ZDHHC21: variants seen among roughly 807,000 people sequenced by gnomAD.
ZDHHC21 encodes the protein palmitoyltransferase ZDHHC21.
A neutral mutation model predicts 34.6 loss-of-function variants in ZDHHC21; 15 were observed. The observed-to-expected ratio is 0.43, with a 90% CI of 0.29 to 0.67. The LOEUF is 0.67. Ranked by LOEUF, ZDHHC21 falls within the 30% of genes least tolerant of loss-of-function variation. The pLI, the probability that ZDHHC21 is intolerant of heterozygous loss-of-function variation, is 0.14. For synonymous variants in ZDHHC21, 142 were observed against 101.8 expected, an observed-to-expected ratio of 1.40 and a Z score of -2.38; for missense variants, 344 against 327.7, an observed-to-expected ratio of 1.05 and a Z score of -0.38.
chr9:14,590,934 A>G, the ZDHHC21 span, among the ~76,000 whole-genome samples: 18 of 152,312 alleles, frequency 1.2e-4, no homozygotes, highest in African/African-American at 4.3e-4. Flanking sequence ...AGTTTATAAC[A>G]CATATATCAG....
the ZDHHC21 span, among the ~76,000 whole-genome samples, chr9:14,601,842 T>C: frequency 7.2e-5 from 11 of 152,302 alleles, no homozygotes; most frequent in East Asian, 1.9e-3. Context: ...TCATGTCCTT[T>C]GCAGGGACAT....
chr9:14,660,322 G>A (rs980176462), intron 6 of ZDHHC21, among the ~76,000 whole-genome samples: 4 of 125,124 alleles, frequency 3.2e-5, no homozygotes, highest in Admixed American at 1.1e-4. Context: ...GGCAGAGGTT[G>A]AGATCATGCC....
chr9:14,658,711 T>A (rs777101137), intron 7 of ZDHHC21, 38 bp downstream of exon 7: 1 of 1,590,298 alleles, frequency 6.3e-7, no homozygotes, highest in East Asian at 2.3e-5. Flanking sequence ...GACCTCGTGA[T>A]CCGCCCGCCT....
intron 2 of ZDHHC21, 84 bp from the exon 3 acceptor site, chr9:14,680,246 G>T (rs1858635): frequency 0.94 from 143,784 of 152,288 alleles, 67,953 homozygotes; most frequent in Middle Eastern, 0.98. Flanking sequence ...AAATGCCAAT[G>T]ACAAACGTCT....
At chr9:14,591,517 T>A in the ZDHHC21 span, among the ~76,000 whole-genome samples, 2 of 152,286 alleles carry the variant, frequency 1.3e-5, no homozygotes, top group South Asian at 2.1e-4. Context: ...GCAGGTATTT[T>A]GTGATAGCAG....
At chr9:14,650,676 G>A (rs1831087812) in intron 7 of ZDHHC21, among the ~76,000 whole-genome samples, 1 of 151,778 alleles carries the variant, frequency 6.6e-6, no homozygotes, top group African/African-American at 2.4e-5. Flanking sequence ...TTTTTTGTTA[G>A]CCAAAAGGCT....
chr9:14,600,359 A>C, the ZDHHC21 span, among the ~76,000 whole-genome samples: 5 of 152,142 alleles, frequency 3.3e-5, no homozygotes, highest in African/African-American at 4.8e-5. Context: ...CTACCCACCA[A>C]TAGCAGACAG....
At chr9:14,601,510 G>A in the ZDHHC21 span, among the ~76,000 whole-genome samples, 4 of 152,176 alleles carry the variant, frequency 2.6e-5, no homozygotes, top group African/African-American at 9.7e-5. Context: ...ATGCTGGAGA[G>A]GATGTGGAAA....
chr9:14,589,066 A>G, the ZDHHC21 span: 1 of 152,202 alleles, frequency 6.6e-6, no homozygotes, highest in Non-Finnish European at 1.5e-5. Flanking sequence ...TAAATTAGAG[A>G]AGAAGCTGTG....
chr9:14,620,621 A>G (rs1345477756), intron 8 of ZDHHC21, among the ~76,000 whole-genome samples: 1 of 151,994 alleles, frequency 6.6e-6, no homozygotes, highest in Non-Finnish European at 1.5e-5. Flanking sequence ...AATCCCAAGA[A>G]CTTATTTGGC....
chr9:14,656,842 G>C (rs1366390283), intron 7 of ZDHHC21, among the ~76,000 whole-genome samples: 1 of 151,682 alleles, frequency 6.6e-6, no homozygotes, highest in Non-Finnish European at 1.5e-5. Flanking sequence ...ATCTACAATT[G>C]ATGGCTCTAA....
intron 8 of ZDHHC21, among the ~76,000 whole-genome samples, chr9:14,621,461 C>A (rs760898240): frequency 2.0e-5 from 3 of 152,026 alleles, no homozygotes; most frequent in Non-Finnish European, 2.9e-5. Context: ...GTTTTTGATA[C>A]CTTTCTTGAA....
chr9:14,651,219 A>T (rs1199157687), intron 7 of ZDHHC21, among the ~76,000 whole-genome samples: 3 of 151,924 alleles, frequency 2.0e-5, no homozygotes, highest in African/African-American at 7.2e-5. Context: ...CAATGAAAAC[A>T]GCAAAATATT....
At chr9:14,595,749 C>T in the ZDHHC21 span, among the ~76,000 whole-genome samples, 2 of 152,094 alleles carry the variant, frequency 1.3e-5, no homozygotes, top group Non-Finnish European at 2.9e-5. Context: ...AAGCACATCT[C>T]CATTGGCTGC....
intron 8 of ZDHHC21, 68 bp from the exon 9 acceptor site, chr9:14,619,750 A>G: frequency 4.3e-6 from 4 of 940,052 alleles, no homozygotes; most frequent in Admixed American, 6.7e-5. Context: ...TATCCACTCT[A>G]TCATGTTTTT....
At chr9:14,633,964 T>G (rs1334360508) in intron 8 of ZDHHC21, among the ~76,000 whole-genome samples, 1 of 152,152 alleles carries the variant, frequency 6.6e-6, no homozygotes, top group Non-Finnish European at 1.5e-5. Flanking sequence ...ACTGGGTGAA[T>G]GTACCACCAG....
At position 14,619,118 on chromosome 9, in the gene ZDHHC21, T is replaced by C. The variant is rs1211930491; in HGVS notation, c.666-20A>G. The C allele has an allele frequency of 6.3e-7, 1 of 1,588,212 alleles. No individual in the cohort carries two copies. On this transcript the variant is annotated intron_variant, in intron 9 of 9. Transcript: ENST00000380916. The stretch of plus-strand genomic sequence containing the variant: ...CTCGATCTACAGAAGACAGCATTAT[T>C]AGTGAAAGACAGCACTCCCATGGTG...
intron 1 of ZDHHC21, among the ~76,000 whole-genome samples, chr9:14,691,121 G>C (rs1047017464): frequency 6.6e-6 from 1 of 152,140 alleles, no homozygotes; most frequent in Non-Finnish European, 1.5e-5. Context: ...TTTTCACTGA[G>C]TCACATTCAA....
chr9:14,678,515 G>C (rs1836821884), intron 3 of ZDHHC21, among the ~76,000 whole-genome samples: 2 of 151,962 alleles, frequency 1.3e-5, no homozygotes, highest in Non-Finnish European at 2.9e-5. Flanking sequence ...CTTTTAGAAA[G>C]ATGATATCCA....
Sources: gnomAD v4.1 joint callset for allele counts (sites outside exome capture counted in the v4.1 genomes callset) on GRCh38, gnomAD v4.1.1 for gene constraint, MANE v1.5 for transcripts, NCBI Gene and HGNC (gene_info 2026-07-23, HGNC 2026-07-21) for gene names.